GLIS3: variants seen among roughly 807,000 people sequenced by gnomAD.
GLIS3 encodes the protein GLIS family zinc finger 3, also known as zinc finger protein GLIS3.
A neutral mutation model predicts 78.6 loss-of-function variants in GLIS3; 53 were observed. The observed-to-expected ratio is 0.67, with a 90% CI of 0.54 to 0.85. The LOEUF is 0.85. GLIS3 is among the 40% of genes least tolerant of loss of function. GLIS3 has a pLI of 0.00. For missense variants in GLIS3, 1,703 were observed against 1,231.1 expected, an observed-to-expected ratio of 1.38 and a Z score of -5.74; for synonymous variants, 684 against 509.9, an observed-to-expected ratio of 1.34 and a Z score of -4.60.
intron 7 of GLIS3, among the ~76,000 whole-genome samples, chr9:3,886,465 C>A (rs972955679): frequency 1.3e-5 from 2 of 152,166 alleles, no homozygotes; most frequent in Admixed American, 6.5e-5. Flanking sequence ...CGAAAATGGG[C>A]TGTTACTAAA....
At chr9:4,416,252 T>TAAA in the GLIS3 span, among the ~76,000 whole-genome samples, 171 of 75,802 alleles carry the variant, frequency 2.3e-3, 5 homozygotes, top group African/African-American at 8.3e-3. Flanking sequence ...ACACTGTTTT[T>TAAA]AAAAAAAAAA....
chr9:4,226,852 G>C (rs986336855), intron 2 of GLIS3, among the ~76,000 whole-genome samples: 2 of 152,350 alleles, frequency 1.3e-5, no homozygotes, highest in African/African-American at 4.8e-5. Flanking sequence ...GCCTCAGTAA[G>C]TGGTGGCAAT....
chr9:4,215,985 T>A (rs1820791135), intron 2 of GLIS3, among the ~76,000 whole-genome samples: 1 of 152,238 alleles, frequency 6.6e-6, no homozygotes, highest in South Asian at 2.1e-4. Context: ...ATTTTGATGC[T>A]GGACTCCATG....
chr9:4,354,270 CA>C, the GLIS3 span, among the ~76,000 whole-genome samples: 2 of 152,152 alleles, frequency 1.3e-5, no homozygotes, highest in African/African-American at 4.8e-5. Context: ...TTTCTCCAGC[CA>C]AACTTCCTGA....
chr9:4,357,600 T>G, the GLIS3 span, among the ~76,000 whole-genome samples: 2 of 151,086 alleles, frequency 1.3e-5, no homozygotes, highest in Non-Finnish European at 3.0e-5. Context: ...CATGTGTATG[T>G]GTCTTCTATT....
At chr9:4,221,040 G>C (rs1821287938) in intron 2 of GLIS3, among the ~76,000 whole-genome samples, 1 of 152,050 alleles carries the variant, frequency 6.6e-6, no homozygotes. Context: ...GTGCAAAAAG[G>C]AAAGGGAAAA....
At chr9:4,017,053 G>C (rs754918950) in intron 4 of GLIS3, among the ~76,000 whole-genome samples, 24 of 152,180 alleles carry the variant, frequency 1.6e-4, no homozygotes, top group Non-Finnish European at 2.9e-4. Flanking sequence ...GAGTGCTTCT[G>C]AGAAGGGCAG....
intron 7 of GLIS3, among the ~76,000 whole-genome samples, chr9:3,890,571 T>G (rs1476448255): frequency 6.6e-6 from 1 of 152,134 alleles, no homozygotes; most frequent in Non-Finnish European, 1.5e-5. Context: ...CTCTTTTATG[T>G]TATCTCATTT....
rs662121 is a variant in GLIS3 at position 4,009,232 on chromosome 9, C to A, written c.1711-72043G>T. On this transcript the variant is annotated intron_variant, in intron 4 of 10. Coordinates refer to ENST00000381971, the MANE Select transcript of GLIS3 (RefSeq NM_001042413.2). ...ATTGCTCACACGGAGCATGAGGAGG[C>A]TGCCCACCTCCCTCGCACAGCCCGT... Among the ~76,000 whole-genome samples, 486 of 152,324 alleles carry A rather than the reference C, an allele frequency of 3.2e-3. 4 individuals carry two copies. The highest frequency in any genetic ancestry group is 0.012 in the African/African-American group (479 of 41,576).
At chr9:4,016,979 A>C (rs909146647) in intron 4 of GLIS3, among the ~76,000 whole-genome samples, 1 of 152,198 alleles carries the variant, frequency 6.6e-6, no homozygotes, top group Non-Finnish European at 1.5e-5. Context: ...ATCACATTGC[A>C]AAATGCTTTC....
chr9:4,321,387 A>C (rs981908496), intron 2 of GLIS3, among the ~76,000 whole-genome samples: 6 of 109,220 alleles, frequency 5.5e-5, no homozygotes, highest in Admixed American at 1.1e-4. Flanking sequence ...GCGCCACTGC[A>C]CTCCAGCCTG....
At chr9:4,353,352 G>T (rs974579246), upstream of GLIS3, among the ~76,000 whole-genome samples, 1 of 152,030 alleles carries the variant, frequency 6.6e-6, no homozygotes, top group African/African-American at 2.4e-5. Context: ...GTGAAGTCTC[G>T]GTCCTCTGAT....
chr9:3,855,961 C>CA lies in GLIS3; in HGVS notation c.2473+47dup, dbSNP rs771679388. 12 of 1,507,004 alleles carry CA rather than the reference C, an allele frequency of 8.0e-6. No individual in the cohort carries two copies. In the Admixed American group the frequency reaches 1.7e-4, roughly 22 times the overall value. 93.4% of individuals were successfully genotyped at this position (1,507,004 alleles called of 1,614,324 possible). A position where few individuals can be genotyped will look rare whatever the true frequency, so the allele number is the denominator to read the frequency against. On this transcript the variant is annotated intron_variant, in intron 9 of 10. Coordinates refer to ENST00000381971, the MANE Select transcript of GLIS3 (RefSeq NM_001042413.2). ...AGGTAACTAAGATGAAAAGCAACAG[C>CA]ACAATGTCACTTTTCAAAACTCAAG...
intron 2 of GLIS3, among the ~76,000 whole-genome samples, chr9:4,126,988 T>C (rs1351426638): frequency 1.3e-5 from 2 of 152,222 alleles, no homozygotes; most frequent in African/African-American, 4.8e-5. Context: ...TAATTTCCTA[T>C]TTTGTTTTCC....
At chr9:3,987,519 T>G (rs1248530918) in intron 4 of GLIS3, among the ~76,000 whole-genome samples, 3 of 151,348 alleles carry the variant, frequency 2.0e-5, no homozygotes, top group Non-Finnish European at 4.4e-5. Flanking sequence ...CTGGCCAACA[T>G]GGTGAAACCC....
At chr9:4,239,526 C>CA (rs1446697577) in intron 2 of GLIS3, among the ~76,000 whole-genome samples, 1 of 152,164 alleles carries the variant, frequency 6.6e-6, no homozygotes, top group Admixed American at 6.5e-5. Context: ...TTTGTGACAA[C>CA]CATCCCAACA....
chr9:3,934,004 G>A (rs1402902764), intron 5 of GLIS3, among the ~76,000 whole-genome samples: 3 of 152,144 alleles, frequency 2.0e-5, no homozygotes, highest in East Asian at 3.8e-4. Flanking sequence ...GTATGCTTCC[G>A]GGATGTGCTG....
At chr9:4,048,420 T>C (rs1490527081) in intron 4 of GLIS3, among the ~76,000 whole-genome samples, 1 of 152,104 alleles carries the variant, frequency 6.6e-6, no homozygotes, top group Admixed American at 6.5e-5. Context: ...GCTGATATTA[T>C]ATGGGGCTAT....
At chr9:4,002,119 A>G (rs901919548) in intron 4 of GLIS3, among the ~76,000 whole-genome samples, 1 of 152,224 alleles carries the variant, frequency 6.6e-6, no homozygotes, top group Non-Finnish European at 1.5e-5. Flanking sequence ...CAATTCAACC[A>G]CAAGGGTCTT....
Sources: allele counts gnomAD v4.1 joint callset (sites outside exome capture counted in the v4.1 genomes callset), GRCh38; gene constraint gnomAD v4.1.1; transcripts MANE v1.5; gene names NCBI Gene and HGNC (gene_info 2026-07-23, HGNC 2026-07-21).